Variants in MYO18B observed in about 807,000 individuals in gnomAD.
MYO18B encodes myosin XVIIIB, also known as unconventional myosin-XVIIIb.
In MYO18B, 204 loss-of-function variants were observed where a neutral mutation model predicts 273.0. That is an observed-to-expected ratio of 0.75 (90% CI 0.67 to 0.84). MYO18B has a LOEUF of 0.84. MYO18B is among the 40% of genes least tolerant of loss of function. The pLI is 0.00. For synonymous variants in MYO18B, 1,330 were observed against 1,305.7 expected, an observed-to-expected ratio of 1.02 and a Z score of -0.40; for missense variants, 3,212 against 3,287.6, an observed-to-expected ratio of 0.98 and a Z score of 0.56.
chr22:25,905,151 A>G (rs2301502), intron 31 of MYO18B, among the ~76,000 whole-genome samples: 13,956 of 146,880 alleles, frequency 0.095, 823 homozygotes, highest in African/African-American at 0.17. Flanking sequence ...GTTGAACTGA[A>G]GTGGGGATGG....
chr22:25,800,930 C>T (rs1328797114), intron 12 of MYO18B, among the ~76,000 whole-genome samples: 2 of 152,198 alleles, frequency 1.3e-5, no homozygotes, highest in Admixed American at 6.5e-5. Context: ...CCCTATCCCA[C>T]GTTATAAATT....
At chr22:25,948,184 T>A (rs1448714207) in intron 36 of MYO18B, among the ~76,000 whole-genome samples, 1 of 152,058 alleles carries the variant, frequency 6.6e-6, no homozygotes, top group Non-Finnish European at 1.5e-5. Flanking sequence ...CCATTGTCCA[T>A]CCATCCATCC....
intron 21 of MYO18B, among the ~76,000 whole-genome samples, chr22:25,860,951 C>A (rs12157749): frequency 1.3e-5 from 2 of 151,642 alleles, no homozygotes; most frequent in African/African-American, 4.9e-5. Flanking sequence ...TGCAGTGGCA[C>A]GATTATGGCT....
intron 17 of MYO18B, among the ~76,000 whole-genome samples, chr22:25,842,420 C>T (rs1353085461): frequency 6.6e-6 from 1 of 152,088 alleles, no homozygotes; most frequent in Non-Finnish European, 1.5e-5. Context: ...CGCCTGTAAT[C>T]CCAGCACTTT....
intron 21 of MYO18B, among the ~76,000 whole-genome samples, chr22:25,861,330 G>A (rs2090729184): frequency 6.6e-6 from 1 of 152,162 alleles, no homozygotes; most frequent in Non-Finnish European, 1.5e-5. Flanking sequence ...GTTAGGTACA[G>A]ACATATTTAT....
intron 22 of MYO18B, among the ~76,000 whole-genome samples, chr22:25,870,535 G>A (rs761605596): frequency 3.3e-5 from 5 of 152,186 alleles, no homozygotes; most frequent in Non-Finnish European, 7.3e-5. Context: ...TTGTGTATGC[G>A]TCTATTGTTG....
At chr22:25,870,452 A>C (rs2091014876) in intron 22 of MYO18B, among the ~76,000 whole-genome samples, 1 of 152,256 alleles carries the variant, frequency 6.6e-6, no homozygotes, top group Non-Finnish European at 1.5e-5. Flanking sequence ...GAAAAAGTAG[A>C]GTAAGGATCT....
At chr22:26,033,269 C>T (rs970758146), downstream of MYO18B, among the ~76,000 whole-genome samples, 1 of 152,160 alleles carries the variant, frequency 6.6e-6, no homozygotes, top group Non-Finnish European at 1.5e-5. Context: ...TGGCACCGTT[C>T]CCCACACCCA....
chr22:25,800,241 C>T (rs75700316), intron 12 of MYO18B, among the ~76,000 whole-genome samples: 10,003 of 152,012 alleles, frequency 0.066, 570 homozygotes, highest in East Asian at 0.21. Flanking sequence ...CAGTGTACAC[C>T]GCTAGGGGGG....
chr22:25,847,720 C>T (rs202094873), intron 20 of MYO18B, 68 bp downstream of exon 20: 8 of 1,237,968 alleles, frequency 6.5e-6, no homozygotes, highest in South Asian at 1.4e-5. Context: ...CCAGTGGCAG[C>T]CAAGGGATGG....
chr22:25,888,161 T>A (rs980808081), intron 25 of MYO18B, among the ~76,000 whole-genome samples: 32 of 152,290 alleles, frequency 2.1e-4, no homozygotes, highest in Non-Finnish European at 4.4e-4. Context: ...ATTCCTAAAT[T>A]TTTTTGTTCA....
At chr22:25,923,369 C>A (rs1184407855) in intron 34 of MYO18B, among the ~76,000 whole-genome samples, 4 of 152,234 alleles carry the variant, frequency 2.6e-5, no homozygotes, top group Non-Finnish European at 5.9e-5. Context: ...GTCATTCTAT[C>A]CTCTTCATGG....
chr22:25,790,537 G>T (rs987523854), intron 11 of MYO18B, among the ~76,000 whole-genome samples: 6 of 152,148 alleles, frequency 3.9e-5, no homozygotes, highest in Non-Finnish European at 7.3e-5. Flanking sequence ...GTTCCATGAG[G>T]GTGGGAGTCT....
intron 2 of MYO18B, among the ~76,000 whole-genome samples, chr22:25,761,628 G>C (rs2086321978): frequency 1.3e-5 from 2 of 152,092 alleles, no homozygotes; most frequent in African/African-American, 4.8e-5. Flanking sequence ...TTCATGATAC[G>C]CTACGAAGGG....
chr22:25,774,642 C>T (rs555800368), intron 7 of MYO18B, among the ~76,000 whole-genome samples: 1 of 152,224 alleles, frequency 6.6e-6, no homozygotes, highest in African/African-American at 2.4e-5. Context: ...AACCCACAGC[C>T]ACCTCCTGTC....
intron 21 of MYO18B, among the ~76,000 whole-genome samples, chr22:25,855,684 A>G (rs1023053184): frequency 3.3e-5 from 5 of 152,122 alleles, no homozygotes; most frequent in African/African-American, 1.2e-4. Context: ...CTATGTCTTT[A>G]CTATTGCAAA....
chr22:25,847,060 C>T lies in MYO18B; in HGVS notation c.3553-370C>T, dbSNP rs1380698937. Among the ~76,000 whole-genome samples the T allele has an allele frequency of 2.1e-5, 3 of 145,464 alleles. No homozygotes were observed. In the South Asian group the frequency reaches 6.6e-4, roughly 32 times the overall value. Reference sequence around the variant, plus strand: ...GTGCCACTGCACTCCAGCCTGGCAACGGAGTGAGACTCTGTCTCAAAAAAA... The same window carrying T: ...GTGCCACTGCACTCCAGCCTGGCAATGGAGTGAGACTCTGTCTCAAAAAAA... On this transcript the variant is annotated intron_variant, in intron 19 of 43. Transcript: ENST00000335473.
Position 25,895,178 on chromosome 22 carries a change from C to T in MYO18B, c.4566C>T (p.Phe1522=), listed in dbSNP as rs118112071. Residue 1522 remains phenylalanine, a synonymous_variant, in exon 28 of 44, where the codon TTC becomes TTT. Transcript: ENST00000335473. Reference sequence around the variant, plus strand: ...CAGCAGACGAGTGGCAGATGCGCTTCGACTGTGCTCAGATGGAGAACGAGT... The same window carrying T: ...CAGCAGACGAGTGGCAGATGCGCTTTGACTGTGCTCAGATGGAGAACGAGT... ...TGGADEWQMR[F]DCAQMENEFL... is the part of the protein sequence containing the mutation. 1.6e-3 allele frequency: 2,596 copies of T among 1,612,312 alleles called. 7 individuals are homozygous for T. Among genetic ancestry groups the T allele is most frequent in the Non-Finnish European group, 1.9e-3 (2,221 of 1,179,272 alleles).
the MYO18B span, among the ~76,000 whole-genome samples, chr22:26,039,473 C>G: frequency 3.3e-5 from 5 of 152,302 alleles, no homozygotes; most frequent in African/African-American, 1.2e-4. Flanking sequence ...AAGGCTTACA[C>G]TAGTCTCACC....
Sources: gnomAD v4.1 joint callset for allele counts (sites outside exome capture counted in the v4.1 genomes callset) on GRCh38, gnomAD v4.1.1 for gene constraint, MANE v1.5 for transcripts, NCBI Gene and HGNC (gene_info 2026-07-23, HGNC 2026-07-21) for gene names.